The following TUB variants were observed in gnomAD, a reference collection of about 807,000 sequenced individuals.
The protein encoded by TUB is TUB bipartite transcription factor.
TUB carries 33 observed loss-of-function variants against 59.7 expected under a neutral mutation model. The observed-to-expected ratio is 0.55, with a 90% CI of 0.42 to 0.74. TUB has a LOEUF of 0.74. Among genes scored for constraint, TUB ranks in the 30% least tolerant of loss-of-function variants. TUB has a pLI of 0.00. For missense variants in TUB, 659 were observed against 672.0 expected, an observed-to-expected ratio of 0.98 and a Z score of 0.21; for synonymous variants, 293 against 256.4, an observed-to-expected ratio of 1.14 and a Z score of -1.36.
At chr11:8,045,251 A>G (rs1042751868) in intron 2 of TUB, among the ~76,000 whole-genome samples, 2 of 152,270 alleles carry the variant, frequency 1.3e-5, no homozygotes, top group Middle Eastern at 3.4e-3. Flanking sequence ...CTTATTGAGA[A>G]TAAAAAAGAT....
At chr11:8,061,072 C>G (rs928158504) in intron 2 of TUB, among the ~76,000 whole-genome samples, 6 of 152,238 alleles carry the variant, frequency 3.9e-5, no homozygotes, top group African/African-American at 1.4e-4. Flanking sequence ...GTGGCCCTGG[C>G]CCTTCTCTGC....
intron 1 of TUB, among the ~76,000 whole-genome samples, chr11:8,025,481 T>C (rs939982953): frequency 1.8e-4 from 27 of 152,146 alleles, no homozygotes; most frequent in Non-Finnish European, 8.8e-5. Flanking sequence ...AACTTCCTTA[T>C]TGCTCTTCTC....
chr11:8,056,657 G>T (rs530862701), intron 2 of TUB, among the ~76,000 whole-genome samples: 2 of 152,206 alleles, frequency 1.3e-5, no homozygotes, highest in East Asian at 3.9e-4. Context: ...TATGCAGGTA[G>T]GCTGTGTGTG....
At position 8,100,819 on chromosome 11, in the gene TUB, C is replaced by G. The variant is rs146732423; in HGVS notation, c.1216-7C>G. ...TGGGCCTGGCTCAGGTGAGGCTGCC[C>G]TCCCAGGAGCATGAGACACTGCTAG... is the stretch of plus-strand genomic sequence containing the variant. On this transcript the variant is annotated splice_region_variant and splice_polypyrimidine_tract_variant and intron_variant, in intron 10 of 11. Coordinates refer to ENST00000299506, the MANE Select transcript of TUB (RefSeq NM_177972.3). 177 of 1,613,530 alleles carry G rather than the reference C, an allele frequency of 1.1e-4. 1 individual carries two copies. The highest frequency in any genetic ancestry group is 1.1e-4 in the Non-Finnish European group (134 of 1,179,680).
intron 4 of TUB, among the ~76,000 whole-genome samples, chr11:8,095,019 T>C (rs1167286044): frequency 6.6e-6 from 1 of 152,230 alleles, no homozygotes; most frequent in Non-Finnish European, 1.5e-5. Context: ...TGTATGCCAA[T>C]TGCAATCTTT....
intron 1 of TUB, among the ~76,000 whole-genome samples, chr11:8,028,120 T>C (rs1189141116): frequency 1.1e-4 from 16 of 152,232 alleles, no homozygotes; most frequent in Non-Finnish European, 1.6e-4. Context: ...TTCTGGGTTG[T>C]TATTATAATT....
At chr11:8,048,790 TTCTC>T (rs1265778304) in intron 2 of TUB, among the ~76,000 whole-genome samples, 1 of 152,202 alleles carries the variant, frequency 6.6e-6, no homozygotes, top group African/African-American at 2.4e-5. Context: ...ATTAATATAT[TTCTC>T]TATATAATAT....
chr11:8,023,040 A>G (rs1013196753), intron 1 of TUB, among the ~76,000 whole-genome samples: 1 of 152,240 alleles, frequency 6.6e-6, no homozygotes, highest in African/African-American at 2.4e-5. Context: ...GGCCAGGCTC[A>G]GCTTTTCTGG....
intron 2 of TUB, among the ~76,000 whole-genome samples, chr11:8,044,643 A>G (rs1407586682): frequency 1.3e-5 from 2 of 152,170 alleles, no homozygotes; most frequent in Admixed American, 6.5e-5. Flanking sequence ...TTCTGGTACT[A>G]ATTATTATAA....
In TUB at chr11:8,101,476, T is replaced by C. The variant is rs150402974; in HGVS notation, c.1388-10T>C. ...TCCTTTTCTCTGTCTGTGCCTGTGCTTGGCCCCAGCGGACTACATCGTGAT... is the reference window on the plus strand; with the variant it reads ...TCCTTTTCTCTGTCTGTGCCTGTGCCTGGCCCCAGCGGACTACATCGTGAT... On this transcript the variant is annotated splice_polypyrimidine_tract_variant and intron_variant, in intron 11 of 11. Transcript: ENST00000299506. 3.1e-6 allele frequency: 5 copies of C among 1,614,174 alleles called. No individual in the cohort carries two copies. Among genetic ancestry groups the C allele is most frequent in the Middle Eastern group, 3.3e-4 (2 of 6,058 alleles).
At chr11:8,035,060 C>G (rs1942627489), upstream of TUB, among the ~76,000 whole-genome samples, 1 of 152,238 alleles carries the variant, frequency 6.6e-6, no homozygotes, top group Non-Finnish European at 1.5e-5. Flanking sequence ...CTGTCCCTCC[C>G]CTCCAGGGCT....
At chr11:8,096,554 T>A in intron 5 of TUB, 131 bp from the exon 6 acceptor site, 1 of 714,290 alleles carries the variant, frequency 1.4e-6, no homozygotes, top group Non-Finnish European at 2.6e-6. Context: ...TAGATATGGC[T>A]AAGAGTGTGT....
chr11:8,029,364 A>C (rs1050800490), intron 1 of TUB, among the ~76,000 whole-genome samples: 1 of 148,790 alleles, frequency 6.7e-6, no homozygotes, highest in Non-Finnish European at 1.5e-5. Flanking sequence ...TTGGGCCCTC[A>C]GGTTCTTTTC....
chr11:8,019,847 G>C (rs1450096481), intron 1 of TUB, among the ~76,000 whole-genome samples: 1 of 152,068 alleles, frequency 6.6e-6, no homozygotes, highest in Non-Finnish European at 1.5e-5. Flanking sequence ...TGGCTGCCGG[G>C]GACCCGCGAG....
At position 8,105,735 on chromosome 11, in the gene TUB, G is replaced by A. The variant is rs976334104; in HGVS notation, c.*4116G>A. The A allele has an allele frequency of 1.3e-5, 2 of 152,094 alleles. No individual in the cohort carries two copies. The highest frequency in any genetic ancestry group is 2.9e-5 in the Non-Finnish European group (2 of 68,020). 9.4% of individuals were successfully genotyped at this position (152,094 alleles called of 1,614,324 possible). On this transcript the variant is annotated 3_prime_UTR_variant, in exon 12 of 12. Transcript: ENST00000299506. ...CACTACCTTTATAGCTCATCACTGT[G>A]CCTTTTTTTCTTTCCTAAGAAAGAC... is the stretch of plus-strand genomic sequence containing the variant.
intron 1 of TUB, among the ~76,000 whole-genome samples, chr11:8,021,131 C>A (rs1379046490): frequency 2.0e-5 from 3 of 152,192 alleles, no homozygotes; most frequent in Non-Finnish European, 1.5e-5. Context: ...TTACTTCTCC[C>A]TGGGCCACAG....
intron 1 of TUB, among the ~76,000 whole-genome samples, chr11:8,022,462 T>C (rs748609902): frequency 6.6e-6 from 1 of 152,204 alleles, no homozygotes. Context: ...CACCTTTCCT[T>C]CAAGTCCTCA....
In TUB at chr11:8,101,521, G is replaced by A; in HGVS notation, c.1423G>A (p.Glu475Lys). Residue 475 changes from glutamate (E) to lysine (K), a missense_variant, in exon 12 of 12, where the codon GAG (glutamate) becomes AAG (lysine). Physicochemically the swap from Glu to Lys is moderately conservative, Grantham distance 56. Transcript: ENST00000299506. ...CGTGATGCAGTTTGGCCGGGTAGCA[G>A]AGGATGTGTTCACCATGGATTACAA... Reference protein sequence around the residue: ...YIVMQFGRVAEDVFTMDYNYP... With the variant: ...YIVMQFGRVAKDVFTMDYNYP... 6.2e-7 allele frequency: 1 copy of A among 1,614,252 alleles called. No homozygotes were observed. Among genetic ancestry groups the A allele is most frequent in the Admixed American group, 1.7e-5 (1 of 60,032 alleles).
chr11:8,094,218 C>T lies in TUB; in HGVS notation c.397+29C>T, dbSNP rs774984140. On this transcript the variant is annotated intron_variant, in intron 4 of 11. Transcript: ENST00000299506. Reference sequence around the variant, plus strand: ...AGCTCACATTCTCTACAGCCCTCCCCAGCAGGCCTGGCCTCCACTGTAGGG... The same window carrying T: ...AGCTCACATTCTCTACAGCCCTCCCTAGCAGGCCTGGCCTCCACTGTAGGG... 2.5e-6 allele frequency: 4 copies of T among 1,583,248 alleles called. No individual in the cohort carries two copies. The South Asian group carries it at 4.7e-5, about 19-fold the overall frequency.
Sources: gnomAD v4.1 joint callset for allele counts (sites outside exome capture counted in the v4.1 genomes callset) on GRCh38, gnomAD v4.1.1 for gene constraint, MANE v1.5 for transcripts, NCBI Gene and HGNC (gene_info 2026-07-23, HGNC 2026-07-21) for gene names.